Variants in ARID1A observed in about 807,000 individuals in gnomAD.
ARID1A encodes the protein AT-rich interaction domain 1A.
A neutral mutation model predicts 212.6 loss-of-function variants in ARID1A; 20 were observed. That is an observed-to-expected ratio of 0.09 (90% CI 0.07 to 0.14). The LOEUF (loss-of-function observed/expected upper bound fraction) is 0.14, where lower values mean the gene tolerates loss of function less well. Ranked by LOEUF, ARID1A falls within the 10% of genes least tolerant of loss-of-function variation. The pLI is 1.00. For synonymous variants in ARID1A, 1,376 were observed against 1,222.1 expected, an observed-to-expected ratio of 1.13 and a Z score of -2.63; for missense variants, 2,587 against 3,059.0, an observed-to-expected ratio of 0.85 and a Z score of 3.64.
At position 26,779,362 on chromosome 1, in the gene ARID1A, C is replaced by T. The variant is rs768785041; in HGVS notation, c.5464C>T (p.Pro1822Ser). 6.2e-7 allele frequency: 1 copy of T among 1,614,214 alleles called. No homozygotes were observed. The highest frequency in any genetic ancestry group is 8.5e-7 in the Non-Finnish European group (1 of 1,180,036). ...LPVKIVQKND[P>S]FVVDCSDKLG... ...AGTAAAGATCGTACAGAAGAATGAT[C>T]CATTTGTGGTGGACTGCTCAGATAA... Residue 1822 changes from proline (P) to serine (S), a missense_variant, in exon 20 of 20, where the codon CCA becomes TCA. Pro to Ser is a moderately conservative substitution (Grantham distance 74, BLOSUM62 -1). Coordinates refer to ENST00000324856, the MANE Select transcript of ARID1A (RefSeq NM_006015.6).
At chr1:26,705,388 C>T (rs931684993) in intron 1 of ARID1A, among the ~76,000 whole-genome samples, 5 of 151,942 alleles carry the variant, frequency 3.3e-5, no homozygotes, top group Admixed American at 3.3e-4. Context: ...GATCCACCCA[C>T]CTTGGCCTTC....
chr1:26,776,704 A>G (rs960103943), intron 19 of ARID1A, among the ~76,000 whole-genome samples: 1 of 152,058 alleles, frequency 6.6e-6, no homozygotes, highest in African/African-American at 2.4e-5. Flanking sequence ...GTACCTACCA[A>G]CCTGTATATC....
rs1459891674 is a variant in ARID1A at position 26,723,824 on chromosome 1, A to G, written c.1138-5827A>G. Among the ~76,000 whole-genome samples the G allele has an allele frequency of 3.9e-5, 6 of 152,020 alleles. No homozygotes were observed. The East Asian group carries it at 7.7e-4, about 20-fold the overall frequency. Reference sequence around the variant, plus strand: ...CCACCTCCAATGCTACGTCACCACAACACAACCACTCGCGCTCTCATACTG... The same window carrying G: ...CCACCTCCAATGCTACGTCACCACAGCACAACCACTCGCGCTCTCATACTG... On this transcript the variant is annotated intron_variant, in intron 1 of 19. Transcript: ENST00000324856.
Position 26,772,820 on chromosome 1 carries a change from A to T in ARID1A, c.3548A>T (p.Asn1183Ile), listed in dbSNP as rs751957677. 6.2e-7 allele frequency: 1 copy of T among 1,613,768 alleles called. No individual in the cohort carries two copies. Among genetic ancestry groups the T allele is most frequent in the Non-Finnish European group, 8.5e-7 (1 of 1,179,860 alleles). Residue 1183 changes from asparagine (N) to isoleucine (I), a missense_variant, in exon 14 of 20, where the codon AAT (asparagine) becomes ATT (isoleucine). Coordinates refer to ENST00000324856, the MANE Select transcript of ARID1A (RefSeq NM_006015.6). ...TTTTCCTCACTCTGGAGCAGGAGCAATTCAGTTGGGATCCAGGATGCCTTT... is the reference window on the plus strand; with the variant it reads ...TTTTCCTCACTCTGGAGCAGGAGCATTTCAGTTGGGATCCAGGATGCCTTT... The part of the protein sequence containing the change: ...IPPLPGMSRS[N>I]SVGIQDAFND...
At chr1:26,736,941 G>A (rs2080738460) in intron 4 of ARID1A, among the ~76,000 whole-genome samples, 1 of 150,572 alleles carries the variant, frequency 6.6e-6, no homozygotes, top group Non-Finnish European at 1.5e-5. Context: ...AATATATAAG[G>A]CCTACAAAAA....
intron 14 of ARID1A, among the ~76,000 whole-genome samples, 169 bp from the exon 15 acceptor site, chr1:26,773,177 T>C (rs1393514090): frequency 1.3e-5 from 2 of 152,062 alleles, no homozygotes; most frequent in African/African-American, 4.8e-5. Context: ...TGTCATCCCT[T>C]AATAAGTACA....
chr1:26,751,880 G>C (rs989441034), intron 4 of ARID1A, among the ~76,000 whole-genome samples: 3 of 152,136 alleles, frequency 2.0e-5, no homozygotes, highest in African/African-American at 7.2e-5. Flanking sequence ...TCCCCGTCAG[G>C]TGGCCAAAAG....
rs1210287540 is a variant in ARID1A, at chr1:26,696,659, G to A, written c.256G>A (p.Gly86Ser). ...CGAGAGCAATGGGGGTGGCGGCGGC[G>A]GCGGAGCCGGCAGCGGCGGCGGGCC... ...GAESNGGGGG[G>S]GAGSGGGPGA... Residue 86 changes from glycine to serine, a missense_variant, in exon 1 of 20, where the codon GGC becomes AGC. Transcript: ENST00000324856. 1 of 1,316,782 alleles carries A rather than the reference G, an allele frequency of 7.6e-7. No individual in the cohort carries two copies. Among genetic ancestry groups the A allele is most frequent in the Non-Finnish European group, 9.6e-7 (1 of 1,036,504 alleles). The allele number at this position is 1,316,782 out of a possible 1,614,324, so 81.6% of individuals were successfully genotyped here. A position where few individuals can be genotyped will look rare whatever the true frequency, so the allele number is the denominator to read the frequency against.
At position 26,696,476 on chromosome 1, in the gene ARID1A, A is replaced by G. The variant is rs2124740037; in HGVS notation, c.73A>G (p.Lys25Glu). ...GCCGCCGCCGCCGCCCTCGGAGCTG[A>G]AGAAAGCCGAGCAGCAGCAGCGGGA... ...NPPPPPPSEL[K>E]KAEQQQREEA... The change falls in exon 1 of 20, where the codon AAG (lysine) becomes GAG (glutamate). Residue 25 changes from lysine to glutamate, a missense_variant. Lys to Glu is a moderately conservative substitution (Grantham distance 56). This residue lies in a region of ARID1A where 735 missense variants were observed against 590.6 expected (regional missense o/e 1.24). Transcript: ENST00000324856. The G allele has an allele frequency of 1.6e-6, 2 of 1,264,016 alleles. No individual in the cohort carries two copies. The allele number at this position is 1,264,016 out of a possible 1,614,324, so 78.3% of individuals were successfully genotyped here. A position where few individuals can be genotyped will look rare whatever the true frequency, so the allele number is the denominator to read the frequency against.
chr1:26,696,526 G>GGCGGCA lies in ARID1A; in HGVS notation c.129_134dup (p.Ala44_Ala45dup), dbSNP rs1553145848. 4 of 1,227,346 alleles carry GGCGGCA rather than the reference G, an allele frequency of 3.3e-6. No homozygotes were observed. Among genetic ancestry groups the GGCGGCA allele is most frequent in the East Asian group, 6.6e-5 (2 of 30,520 alleles). 76.0% of individuals were successfully genotyped at this position (1,227,346 alleles called of 1,614,324 possible). A position where few individuals can be genotyped will look rare whatever the true frequency, so the allele number is the denominator to read the frequency against. On this transcript the variant is annotated inframe_insertion, in exon 1 of 20. Transcript: ENST00000324856. ...AGGAGGCGGGGGGCGAGGCGGCGGC[G>GGCGGCA]GCGGCAGCGGCCGAGCGCGGGGAAA...
At chr1:26,748,931 G>A (rs1402579227) in intron 4 of ARID1A, among the ~76,000 whole-genome samples, 10 of 152,134 alleles carry the variant, frequency 6.6e-5, no homozygotes, top group East Asian at 3.9e-4. Flanking sequence ...TTGGGAGGCC[G>A]AGGCAGGCAG....
rs2124116451 is a variant in ARID1A at position 26,774,252 on chromosome 1, T to A, written c.4102-77T>A. ...TCTGTGTCCACCAAGCATCTGGTTGTAGCCATCTTGGCATCTGTGGGCTTT... is the reference window on the plus strand; with the variant it reads ...TCTGTGTCCACCAAGCATCTGGTTGAAGCCATCTTGGCATCTGTGGGCTTT... On this transcript the variant is annotated intron_variant, in intron 17 of 19. Coordinates refer to ENST00000324856, the MANE Select transcript of ARID1A (RefSeq NM_006015.6). This position sits in a 1 kb window ranked among gnomAD's most constrained non-coding sequence, Gnocchi z 5.6. The A allele has an allele frequency of 6.6e-7, 1 of 1,504,740 alleles. No individual in the cohort carries two copies. Among genetic ancestry groups the A allele is most frequent in the Non-Finnish European group, 8.9e-7 (1 of 1,128,894 alleles). 93.2% of individuals were successfully genotyped at this position (1,504,740 alleles called of 1,614,324 possible). A position where few individuals can be genotyped will look rare whatever the true frequency, so the allele number is the denominator to read the frequency against.
chr1:26,712,531 T>A (rs552649877), intron 1 of ARID1A, among the ~76,000 whole-genome samples: 39 of 151,942 alleles, frequency 2.6e-4, no homozygotes, highest in Admixed American at 8.5e-4. Context: ...TTAAAAAAAA[T>A]TTTTTTTAAA....
chr1:26,748,705 A>G (rs963944052), intron 4 of ARID1A, among the ~76,000 whole-genome samples: 10 of 149,208 alleles, frequency 6.7e-5, no homozygotes, highest in Middle Eastern at 3.3e-3. Context: ...TACTGACTGG[A>G]TAAGACAGAA....
intron 19 of ARID1A, chr1:26,775,950 G>A: frequency 1.6e-6 from 1 of 642,180 alleles, no homozygotes; most frequent in South Asian, 1.5e-5. Flanking sequence ...GACACTTTGT[G>A]GTATTAGTAA....
chr1:26,696,999 A>C lies in ARID1A; in HGVS notation c.596A>C (p.Gln199Pro), dbSNP rs749215239. Residue 199 changes from glutamine to proline, a missense_variant, in exon 1 of 20, where the codon CAG becomes CCG. Transcript: ENST00000324856. Reference sequence around the variant, plus strand: ...GGCCTGGAGCCCTACGCGGGGCCCCAGCAGAACTCTCACGACCACGGCTTC... The same window carrying C: ...GGCCTGGAGCCCTACGCGGGGCCCCCGCAGAACTCTCACGACCACGGCTTC... ...GGGLEPYAGPQQNSHDHGFPN... is the reference protein window; with the variant it reads ...GGGLEPYAGPPQNSHDHGFPN... 10 of 1,526,036 alleles carry C rather than the reference A, an allele frequency of 6.6e-6. No individual in the cohort carries two copies. The highest frequency in any genetic ancestry group is 8.8e-6 in the Non-Finnish European group (10 of 1,140,342). The allele number at this position is 1,526,036 out of a possible 1,614,324, so 94.5% of individuals were successfully genotyped here. A position where few individuals can be genotyped will look rare whatever the true frequency, so the allele number is the denominator to read the frequency against.
chr1:26,723,531 CTTTCTGGGTTA>C, intron 1 of ARID1A, among the ~76,000 whole-genome samples: 1 of 152,276 alleles, frequency 6.6e-6, no homozygotes, highest in South Asian at 2.1e-4. Context: ...TCTCTCGGCT[CTTTCTGGGTTA>C]TCAGGCGCCA....
At chr1:26,698,587 T>TA in intron 1 of ARID1A, among the ~76,000 whole-genome samples, 1 of 152,352 alleles carries the variant, frequency 6.6e-6, no homozygotes, top group South Asian at 2.1e-4. Flanking sequence ...TTTTGCTTGT[T>TA]ATGTTTTATG....
rs769878267 is a variant in ARID1A at position 26,779,501 on chromosome 1, C to G, written c.5603C>G (p.Ser1868Cys). ...HFESKTELLPSRPHAPCPPAP... is the reference protein window; with the variant it reads ...HFESKTELLPCRPHAPCPPAP... ...GAGAGCAAGACAGAGCTGCTGCCTT[C>G]CCGGCCTCACGCACCCTGCCCACCA... Residue 1868 changes from serine to cysteine, a missense_variant, in exon 20 of 20, where the codon TCC becomes TGC. Transcript: ENST00000324856. The G allele has an allele frequency of 6.2e-7, 1 of 1,614,100 alleles. No homozygotes were observed. Among genetic ancestry groups the G allele is most frequent in the Non-Finnish European group, 8.5e-7 (1 of 1,180,032 alleles).
Sources: allele counts gnomAD v4.1 joint callset (sites outside exome capture counted in the v4.1 genomes callset), GRCh38; gene constraint gnomAD v4.1.1; regional missense constraint gnomAD v4.1.1; non-coding constraint Gnocchi (gnomAD v3.1); transcripts MANE v1.5; gene names NCBI Gene and HGNC (gene_info 2026-07-23, HGNC 2026-07-21).